NGFR: variants seen among roughly 807,000 people sequenced by gnomAD.
NGFR encodes nerve growth factor receptor.
NGFR carries 30 observed loss-of-function variants against 43.2 expected under a neutral mutation model. The observed-to-expected ratio is 0.69, with a 90% confidence interval of 0.52 to 0.94. NGFR has a LOEUF of 0.94. NGFR is among the 40% of genes least tolerant of loss of function. The pLI is 0.00. For missense variants in NGFR, 529 were observed against 602.5 expected (o/e 0.88, Z 1.28); for synonymous variants, 246 against 259.6 (o/e 0.95, Z 0.50).
Position 49,513,043 on chromosome 17 carries a change from T to C in NGFR, c.*34T>C, listed in dbSNP as rs764685029. 30 of 1,472,572 alleles carry C rather than the reference T, an allele frequency of 2.0e-5. No individual in the cohort carries two copies. Among genetic ancestry groups the C allele is most frequent in the Non-Finnish European group, 2.5e-5 (28 of 1,112,390 alleles). The allele number at this position is 1,472,572 out of a possible 1,614,324, so 91.2% of individuals were successfully genotyped here. A position where few individuals can be genotyped will look rare whatever the true frequency, so the allele number is the denominator to read the frequency against. On this transcript the variant is annotated 3_prime_UTR_variant, in exon 6 of 6. Coordinates refer to ENST00000172229, the MANE Select transcript of NGFR (RefSeq NM_002507.4). ...GGGGAGCCCCCGCCCCGCCCCACAT[T>C]CCGACAACCGATGCTCCAGCCAACC...
At position 49,512,027 on chromosome 17, in the gene NGFR, C is replaced by T. The variant is rs149835404; in HGVS notation, c.957C>T (p.Pro319=). Residue 319 remains proline, a synonymous_variant, in exon 5 of 6, where the codon CCC becomes CCT. Transcript: ENST00000172229. The surrounding 1 kb of genome is among the most constrained non-coding windows in gnomAD (Gnocchi z 5.2). ...GCCAGAGCCTGCATGACCAGCAGCC[C>T]CACACGCAGACAGCCTCGGGCCAGG... is the stretch of plus-strand genomic sequence containing the variant. ...VDSQSLHDQQ[P]HTQTASGQAL... The T allele has an allele frequency of 1.2e-5, 19 of 1,613,548 alleles. No individual in the cohort carries two copies. Among genetic ancestry groups the T allele is most frequent in the Non-Finnish European group, 1.5e-5 (18 of 1,179,864 alleles).
At chr17:49,504,579 G>A (rs1214473132) in intron 2 of NGFR, among the ~76,000 whole-genome samples, 1 of 152,232 alleles carries the variant, frequency 6.6e-6, no homozygotes, top group East Asian at 1.9e-4. Flanking sequence ...AGCTCAGAGA[G>A]GTTAAGTAAA....
At chr17:49,504,830 G>A (rs1193045225) in intron 2 of NGFR, among the ~76,000 whole-genome samples, 1 of 139,958 alleles carries the variant, frequency 7.1e-6, no homozygotes, top group Non-Finnish European at 1.5e-5. Context: ...GGAGTGCACT[G>A]GTGCAGTCTT....
chr17:49,500,095 A>C (rs2071158964), intron 1 of NGFR, among the ~76,000 whole-genome samples: 1 of 152,154 alleles, frequency 6.6e-6, no homozygotes, highest in Admixed American at 6.5e-5. Flanking sequence ...AAAAAGACAA[A>C]AGTGTGGTAA....
Position 49,510,495 on chromosome 17 carries a change from C to G in NGFR, c.652C>G (p.Pro218Ala). ...TAPSTQEPEA[P>A]PEQDLIASTV... is the part of the protein sequence containing the mutation. ...CCCCAGCACCCAGGAGCCTGAGGCA[C>G]CTCCAGAACAAGACCTCATAGCCAG... The change falls in exon 4 of 6, where the codon CCT (proline) becomes GCT (alanine). Residue 218 changes from proline (P) to alanine (A), a missense_variant. By Grantham distance (27) the Pro-to-Ala change is conservative (BLOSUM62 -1). Transcript: ENST00000172229. 1 of 1,614,150 alleles carries G rather than the reference C, an allele frequency of 6.2e-7. No homozygotes were observed. Among genetic ancestry groups the G allele is most frequent in the Non-Finnish European group, 8.5e-7 (1 of 1,180,028 alleles).
Position 49,512,602 on chromosome 17 carries a change from A to C in NGFR, c.983-106A>C. On this transcript the variant is annotated intron_variant, in intron 5 of 5. Coordinates refer to ENST00000172229, the MANE Select transcript of NGFR (RefSeq NM_002507.4). This position sits in a 1 kb window ranked among gnomAD's most constrained non-coding sequence, Gnocchi z 5.2. Reference sequence around the variant, plus strand: ...CCTTGTCTTGGCCCCAGGCCTCCAGATGGGGAGGAGCACTGCCTCGGCCCT... The same window carrying C: ...CCTTGTCTTGGCCCCAGGCCTCCAGCTGGGGAGGAGCACTGCCTCGGCCCT... 7.2e-7 allele frequency: 1 copy of C among 1,393,714 alleles called. No individual in the cohort carries two copies. Among genetic ancestry groups the C allele is most frequent in the Non-Finnish European group, 9.7e-7 (1 of 1,030,052 alleles). The allele number at this position is 1,393,714 out of a possible 1,614,324, so 86.3% of individuals were successfully genotyped here.
rs536902782 is a variant in NGFR at position 49,513,692 on chromosome 17, G to T, written c.*683G>T. On this transcript the variant is annotated 3_prime_UTR_variant, in exon 6 of 6. Transcript: ENST00000172229. ...TGGCACCGCCTTCTCTAAATGAGGG[G>T]CCTCAGGTTTGCCTGAGGGCGAGGG... The T allele has an allele frequency of 6.6e-6, 1 of 152,508 alleles. No individual in the cohort carries two copies. Among genetic ancestry groups the T allele is most frequent in the South Asian group, 2.1e-4 (1 of 4,832 alleles). 9.4% of individuals were successfully genotyped at this position (152,508 alleles called of 1,614,324 possible).
In NGFR at chr17:49,510,424, G is replaced by A. The variant is rs753103561; in HGVS notation, c.581G>A (p.Arg194His). ...CCTTTTCTCCCAGAGATCCCTGGCC[G>A]TTGGATTACACGGTCCACACCCCCA... ...ADAECEEIPG[R>H]WITRSTPPEG... The change falls in exon 4 of 6, where the codon CGT becomes CAT. Residue 194 changes from arginine to histidine, a missense_variant. By Grantham distance (29) the Arg-to-His change is conservative. Transcript: ENST00000172229. The A allele has an allele frequency of 2.3e-5, 37 of 1,613,606 alleles. No homozygotes were observed. The highest frequency in any genetic ancestry group is 1.1e-4 in the African/African-American group (8 of 74,886).
intron 1 of NGFR, 45 bp from the exon 2 acceptor site, chr17:49,502,018 C>CCCCCCCAA: frequency 3.8e-6 from 5 of 1,320,306 alleles, no homozygotes; most frequent in Non-Finnish European, 5.0e-6. Flanking sequence ...CAACCCACCC[C>CCCCCCCAA]AGCTTTCTCT....
chr17:49,506,463 T>TGCCGCGTGTGCGAGGCGGGCTCGG lies in NGFR; in HGVS notation c.377_400dup (p.Arg126_Gly133dup). ...TGAGACGACTGGGCGCTGCGAGGCG[T>TGCCGCGTGTGCGAGGCGGGCTCGG]GCCGCGTGTGCGAGGCGGGCTCGGG... On this transcript the variant is annotated inframe_insertion, in exon 3 of 6. Transcript: ENST00000172229. 1 of 1,609,390 alleles carries TGCCGCGTGTGCGAGGCGGGCTCGG rather than the reference T, an allele frequency of 6.2e-7. No homozygotes were observed. Among genetic ancestry groups the TGCCGCGTGTGCGAGGCGGGCTCGG allele is most frequent in the Non-Finnish European group, 8.5e-7 (1 of 1,179,070 alleles).
chr17:49,510,613 C>T lies in NGFR; in HGVS notation c.770C>T (p.Ser257Phe), dbSNP rs906612809. 1.9e-6 allele frequency: 3 copies of T among 1,613,818 alleles called. No homozygotes were observed. The highest frequency in any genetic ancestry group is 2.5e-6 in the Non-Finnish European group (3 of 1,179,952). ...GACAACCTCATCCCTGTCTATTGCT[C>T]CATCCTGGCTGCTGTGGTTGTGGGC... ...TTDNLIPVYC[S>F]ILAAVVVGLV... The change falls in exon 4 of 6, where the codon TCC becomes TTC. Residue 257 changes from serine to phenylalanine, a missense_variant. Ser to Phe is a radical substitution (Grantham distance 155, BLOSUM62 -2). Coordinates refer to ENST00000172229, the MANE Select transcript of NGFR (RefSeq NM_002507.4).
chr17:49,499,505 A>G (rs2071155679), intron 1 of NGFR, among the ~76,000 whole-genome samples: 1 of 152,214 alleles, frequency 6.6e-6, no homozygotes, highest in African/African-American at 2.4e-5. Context: ...GTGAGAGCTC[A>G]CAGATTGTAT....
In NGFR at chr17:49,495,923, G is replaced by C. The variant is rs1461897950; in HGVS notation, c.66+440G>C. Reference sequence around the variant, plus strand: ...GGGGAACTGGACGGGGACTAGAGATGAGAGGGGCGAGCTGGGCTGGGGCGG... The same window carrying C: ...GGGGAACTGGACGGGGACTAGAGATCAGAGGGGCGAGCTGGGCTGGGGCGG... On this transcript the variant is annotated intron_variant, in intron 1 of 5. Coordinates refer to ENST00000172229, the MANE Select transcript of NGFR (RefSeq NM_002507.4). This position sits in a 1 kb window ranked among gnomAD's most constrained non-coding sequence, Gnocchi z 6.4. 6.0e-6 allele frequency: 1 copy of C among 166,262 alleles called. No homozygotes were observed. The highest frequency in any genetic ancestry group is 1.3e-5 in the Non-Finnish European group (1 of 77,702). 10.3% of individuals were successfully genotyped at this position (166,262 alleles called of 1,614,324 possible).
chr17:49,504,626 G>C (rs187017795), intron 2 of NGFR, among the ~76,000 whole-genome samples: 58 of 152,202 alleles, frequency 3.8e-4, no homozygotes, highest in Non-Finnish European at 8.5e-4. Flanking sequence ...CGATGGAAAT[G>C]GATTTTGAAT....
intron 1 of NGFR, 63 bp from the exon 2 acceptor site, chr17:49,502,000 A>ACACCC: frequency 3.8e-6 from 1 of 264,886 alleles, no homozygotes. Context: ...CCCCGGAAGA[A>ACACCC]CCCCCCCCAA....
In NGFR at chr17:49,506,283, T is replaced by C; in HGVS notation, c.209-16T>C. On this transcript the variant is annotated splice_polypyrimidine_tract_variant and intron_variant, in intron 2 of 5. Transcript: ENST00000172229. ...CAAAAGAGCAGACGACTAAATCTGG[T>C]GTCCGCTGCGCTCAGGCGTGACGTT... 3 of 1,529,380 alleles carry C rather than the reference T, an allele frequency of 2.0e-6. No homozygotes were observed. Among genetic ancestry groups the C allele is most frequent in the Non-Finnish European group, 2.6e-6 (3 of 1,140,278 alleles). 94.7% of individuals were successfully genotyped at this position (1,529,380 alleles called of 1,614,324 possible). A position where few individuals can be genotyped will look rare whatever the true frequency, so the allele number is the denominator to read the frequency against.
At chr17:49,503,899 C>T (rs762095112) in intron 2 of NGFR, among the ~76,000 whole-genome samples, 7 of 152,138 alleles carry the variant, frequency 4.6e-5, no homozygotes, top group Non-Finnish European at 8.8e-5. Context: ...AGTCAAAGGA[C>T]CTTCAGCAGG....
intron 1 of NGFR, chr17:49,497,197 C>G (rs1401581381): frequency 6.6e-6 from 1 of 152,288 alleles, no homozygotes; most frequent in East Asian, 1.9e-4. Flanking sequence ...CCCCAGAGTC[C>G]GTCGGCGGTA....
chr17:49,510,273 A>G, intron 3 of NGFR, 139 bp from the exon 4 acceptor site: 5 of 1,261,726 alleles, frequency 4.0e-6, no homozygotes, highest in Non-Finnish European at 5.5e-6. Context: ...TCATGCACGC[A>G]ATCCCAGCTG....
Sources: allele counts gnomAD v4.1 joint callset (sites outside exome capture counted in the v4.1 genomes callset), GRCh38; gene constraint gnomAD v4.1.1; non-coding constraint Gnocchi (gnomAD v3.1); transcripts MANE v1.5; gene names NCBI Gene and HGNC (gene_info 2026-07-23, HGNC 2026-07-21).